The following IGF1R variants were observed in gnomAD, a reference collection of about 807,000 sequenced individuals.
IGF1R encodes insulin-like growth factor 1 receptor.
In IGF1R, 44 loss-of-function variants were observed where a neutral mutation model predicts 144.6. That is an observed-to-expected ratio of 0.30 (90% CI 0.24 to 0.39). IGF1R has a LOEUF of 0.39. IGF1R is among the 10% of genes least tolerant of loss of function. The probability of loss-of-function intolerance (pLI) is 1.00; values close to 1 mark genes in which losing one functional copy is unlikely to be tolerated. For missense variants in IGF1R, 1,355 were observed against 1,833.7 expected, an observed-to-expected ratio of 0.74 and a Z score of 4.77; for synonymous variants, 795 against 722.8, an observed-to-expected ratio of 1.10 and a Z score of -1.60.
chr15:98,752,932 ATTTTTTTTTT>A (rs775327338), intron 2 of IGF1R, among the ~76,000 whole-genome samples: 1 of 70,114 alleles, frequency 1.4e-5, no homozygotes. Flanking sequence ...AAATCATACT[ATTTTTTTTTT>A]TTTTTTTTTT....
At chr15:98,661,151 A>G (rs1018321038) in intron 1 of IGF1R, among the ~76,000 whole-genome samples, 4 of 152,056 alleles carry the variant, frequency 2.6e-5, no homozygotes, top group Non-Finnish European at 4.4e-5. Flanking sequence ...GTTGGCTTCT[A>G]TTTTTTGCAT....
At chr15:98,846,312 T>A (rs1188715757) in intron 2 of IGF1R, among the ~76,000 whole-genome samples, 1 of 152,194 alleles carries the variant, frequency 6.6e-6, no homozygotes, top group African/African-American at 2.4e-5. Context: ...ACTGCTCTGA[T>A]AAAGTTATCA....
chr15:98,961,811 T>G lies in IGF1R; in HGVS notation c.*4369T>G, dbSNP rs569409174. 3 of 233,330 alleles carry G rather than the reference T, an allele frequency of 1.3e-5. No homozygotes were observed. Among genetic ancestry groups the G allele is most frequent in the East Asian group, 6.0e-5 (1 of 16,594 alleles). 14.5% of individuals were successfully genotyped at this position (233,330 alleles called of 1,614,324 possible). A position where few individuals can be genotyped will look rare whatever the true frequency, so the allele number is the denominator to read the frequency against. ...GTTTGACATACCTTTGGAACGAGCC[T>G]CCTCCTTGGAAGATGGAAGACCGTG... On this transcript the variant is annotated 3_prime_UTR_variant, in exon 21 of 21. Transcript: ENST00000650285.
intron 2 of IGF1R, chr15:98,824,074 G>A (rs1480476042): frequency 6.6e-6 from 1 of 152,154 alleles, no homozygotes; most frequent in Non-Finnish European, 1.5e-5. Context: ...CCAGCACTCG[G>A]AACTAGGGAG....
Position 98,676,917 on chromosome 15 carries a change from T to A in IGF1R, c.94+27242T>A, listed in dbSNP as rs549657322. Among the ~76,000 whole-genome samples the A allele has an allele frequency of 5.9e-5, 9 of 152,036 alleles. No homozygotes were observed. The South Asian group carries it at 1.9e-3, about 32-fold the overall frequency. On this transcript the variant is annotated intron_variant, in intron 1 of 20. Transcript: ENST00000650285. ...CCATTGTTTATTTTATATTTTTAAA[T>A]TTTTTTTCAATTAAAAAAAATTTTT...
Position 98,964,208 on chromosome 15 carries a change from A to AACTCAG in IGF1R, c.*6767_*6768insCTCAGA. 1 of 232,852 alleles carries AACTCAG rather than the reference A, an allele frequency of 4.3e-6. No individual in the cohort carries two copies. The highest frequency in any genetic ancestry group is 8.5e-6 in the Non-Finnish European group (1 of 117,656). 14.4% of individuals were successfully genotyped at this position (232,852 alleles called of 1,614,324 possible). A position where few individuals can be genotyped will look rare whatever the true frequency, so the allele number is the denominator to read the frequency against. On this transcript the variant is annotated 3_prime_UTR_variant, in exon 21 of 21. Coordinates refer to ENST00000650285, the MANE Select transcript of IGF1R (RefSeq NM_000875.5). ...CATTTTCTGAGTTTTCTTGTTAAAA[A>AACTCAG]AAAATTTTTTTAAGTAAGAAAAAAA...
At chr15:98,887,255 A>G (rs1567178385) in intron 2 of IGF1R, among the ~76,000 whole-genome samples, 1 of 151,922 alleles carries the variant, frequency 6.6e-6, no homozygotes, top group Non-Finnish European at 1.5e-5. Context: ...TCCTTTGGGA[A>G]GTTTCGGGGG....
chr15:98,680,252 C>G (rs1005714448), intron 1 of IGF1R, among the ~76,000 whole-genome samples: 2 of 150,526 alleles, frequency 1.3e-5, no homozygotes, highest in African/African-American at 4.9e-5. Context: ...TGGTGGTACT[C>G]CCATATACGT....
chr15:98,852,279 G>A (rs1053372227), intron 2 of IGF1R, among the ~76,000 whole-genome samples: 5 of 152,120 alleles, frequency 3.3e-5, no homozygotes, highest in African/African-American at 4.8e-5. Context: ...CCGAGGGGCT[G>A]AGGCTCCTTT....
chr15:98,652,709 C>T (rs927494659), intron 1 of IGF1R, among the ~76,000 whole-genome samples: 1 of 152,080 alleles, frequency 6.6e-6, no homozygotes, highest in African/African-American at 2.4e-5. Context: ...CTAGAATAAA[C>T]AAATCCATAG....
intron 2 of IGF1R, among the ~76,000 whole-genome samples, chr15:98,710,205 G>A (rs1005205177): frequency 2.0e-5 from 3 of 152,132 alleles, no homozygotes; most frequent in Non-Finnish European, 4.4e-5. Flanking sequence ...CCAAGGCCAC[G>A]CCCTGCAGCC....
chr15:98,788,052 C>CTGTGTGTGTGTGTG (rs1167503156), intron 2 of IGF1R, among the ~76,000 whole-genome samples: 77 of 139,636 alleles, frequency 5.5e-4, no homozygotes, highest in African/African-American at 2.0e-3. Context: ...CTCTCTCTCT[C>CTGTGTGTGTGTGTG]TCTCTCTCTC....
chr15:98,906,875 G>T (rs533176293), intron 5 of IGF1R, among the ~76,000 whole-genome samples: 1 of 152,350 alleles, frequency 6.6e-6, no homozygotes, highest in African/African-American at 2.4e-5. Flanking sequence ...CGACTCACTT[G>T]TGTGCTCACT....
chr15:98,806,751 G>C (rs189271302), intron 2 of IGF1R, among the ~76,000 whole-genome samples: 7 of 152,286 alleles, frequency 4.6e-5, no homozygotes, highest in Admixed American at 3.9e-4. Flanking sequence ...TAGTAAGAGG[G>C]ATATAGCCAA....
At chr15:98,791,393 A>T (rs2871975) in intron 2 of IGF1R, among the ~76,000 whole-genome samples, 129,056 of 152,222 alleles carry the variant, frequency 0.85, 57,109 homozygotes, top group Non-Finnish European at 0.97. Flanking sequence ...GTTTATTTTT[A>T]TATGACATTT....
In IGF1R at chr15:98,830,605, C is replaced by CTTTTTTTTTTTT. The variant is rs60426791; in HGVS notation, c.641-60714_641-60703dup. On this transcript the variant is annotated intron_variant, in intron 2 of 20. Transcript: ENST00000650285. Reference sequence around the variant, plus strand: ...CATGGTTCCAACATCTGATCATCATCTTTTTTTTTTTTTTTTTAGATGGAG... The same window carrying CTTTTTTTTTTTT: ...CATGGTTCCAACATCTGATCATCATCTTTTTTTTTTTTTTTTTTTTTTTTTTTTTAGATGGAG... 1.9e-3 allele frequency among the ~76,000 whole-genome samples: 264 copies of CTTTTTTTTTTTT among 135,908 alleles called. 4 individuals are homozygous for CTTTTTTTTTTTT. Among genetic ancestry groups the CTTTTTTTTTTTT allele is most frequent in the African/African-American group, 6.8e-3 (241 of 35,322 alleles). The allele number at this position is 135,908 out of a possible 152,430, so 89.2% of individuals were successfully genotyped here. A position where few individuals can be genotyped will look rare whatever the true frequency, so the allele number is the denominator to read the frequency against.
intron 2 of IGF1R, among the ~76,000 whole-genome samples, chr15:98,755,375 C>T (rs45545736): frequency 0.037 from 5,552 of 151,924 alleles, 107 homozygotes; most frequent in Middle Eastern, 0.065. Context: ...CTCTGTGTTT[C>T]ACTAATGAAA....
intron 2 of IGF1R, among the ~76,000 whole-genome samples, chr15:98,821,290 C>G (rs544614575): frequency 6.6e-6 from 1 of 151,936 alleles, no homozygotes; most frequent in African/African-American, 2.4e-5. Context: ...GCCTCCCCCC[C>G]CCCTTTTTAA....
At chr15:98,766,901 T>A (rs1513644) in intron 2 of IGF1R, among the ~76,000 whole-genome samples, 146,107 of 152,302 alleles carry the variant, frequency 0.96, 70,361 homozygotes, top group East Asian at 1. Context: ...CAAATTGATG[T>A]TTCTGTTTGT....
Sources: allele counts gnomAD v4.1 joint callset (sites outside exome capture counted in the v4.1 genomes callset), GRCh38; gene constraint gnomAD v4.1.1; transcripts MANE v1.5; gene names NCBI Gene and HGNC (gene_info 2026-07-23, HGNC 2026-07-21).